TMEM132B: variants seen among roughly 807,000 people sequenced by gnomAD.
TMEM132B encodes the protein transmembrane protein 132B.
TMEM132B carries 18 observed loss-of-function variants against 90.8 expected under a neutral mutation model. The observed-to-expected ratio is 0.20, with a 90% confidence interval of 0.14 to 0.29. The LOEUF is 0.29. TMEM132B is among the 10% of genes least tolerant of loss of function. The probability of loss-of-function intolerance (pLI) is 1.00; values close to 1 mark genes in which losing one functional copy is unlikely to be tolerated. For synonymous variants in TMEM132B, 504 were observed against 523.3 expected (o/e 0.96, Z 0.50); for missense variants, 1,096 against 1,326.8 (o/e 0.83, Z 2.70).
At chr12:125,312,199 G>A (rs1370256414) in intron 1 of TMEM132B, among the ~76,000 whole-genome samples, 2 of 152,228 alleles carry the variant, frequency 1.3e-5, no homozygotes, top group African/African-American at 4.8e-5. Context: ...TAGTATCACT[G>A]TGAGCCCATG....
At chr12:125,197,464 C>G (rs1385136944) in intron 1 of TMEM132B, among the ~76,000 whole-genome samples, 3 of 152,202 alleles carry the variant, frequency 2.0e-5, no homozygotes, top group African/African-American at 7.2e-5. Context: ...ACCCTTTAAT[C>G]CAGGCATCAG....
chr12:125,519,146 A>AGAGC (rs1409332384), intron 3 of TMEM132B, among the ~76,000 whole-genome samples: 5 of 152,024 alleles, frequency 3.3e-5, no homozygotes, highest in Non-Finnish European at 1.5e-5. Flanking sequence ...TGGGGAGGGG[A>AGAGC]GAGCTGTGCG....
Position 125,265,550 on chromosome 12 carries a change from A to G in TMEM132B, c.67+78684A>G, listed in dbSNP as rs182362919. 7.2e-4 allele frequency among the ~76,000 whole-genome samples: 109 copies of G among 152,300 alleles called. 1 individual carries two copies. Among genetic ancestry groups the G allele is most frequent in the African/African-American group, 2.6e-3 (109 of 41,560 alleles). ...GTGAGAGCAAGGAAAAAGGGAGACT[A>G]CTGTATATACAGAAAAGGGCACAAA... On this transcript the variant is annotated intron_variant, in intron 1 of 8. Transcript: ENST00000682704.
At chr12:125,392,645 G>A (rs1192710110) in intron 2 of TMEM132B, among the ~76,000 whole-genome samples, 1 of 152,160 alleles carries the variant, frequency 6.6e-6, no homozygotes, top group Non-Finnish European at 1.5e-5. Context: ...CAACAGCCAA[G>A]ATCATACCAA....
At position 125,391,826 on chromosome 12, in the gene TMEM132B, A is replaced by C. The variant is rs552101228; in HGVS notation, c.960-23705A>C. Among the ~76,000 whole-genome samples the C allele has an allele frequency of 3.3e-4, 50 of 152,194 alleles. No homozygotes were observed. In the East Asian group the frequency reaches 8.1e-3, roughly 25 times the overall value. ...GTTGCCCAGGCTGGAGTGCACAGTG[A>C]CATGATCTCAACTCACTGCAGCCTC... On this transcript the variant is annotated intron_variant, in intron 2 of 8. Coordinates refer to ENST00000682704, the MANE Select transcript of TMEM132B (RefSeq NM_001366854.1).
At chr12:125,308,885 C>T (rs1876058768) in intron 1 of TMEM132B, among the ~76,000 whole-genome samples, 1 of 152,038 alleles carries the variant, frequency 6.6e-6, no homozygotes, top group African/African-American at 2.4e-5. Context: ...TATATTTTTC[C>T]TTATATATGG....
At chr12:125,461,198 G>A (rs1427991538) in intron 3 of TMEM132B, among the ~76,000 whole-genome samples, 1 of 152,224 alleles carries the variant, frequency 6.6e-6, no homozygotes, top group Admixed American at 6.5e-5. Context: ...TTTAGGCGGG[G>A]CTATGAGTCC....
chr12:125,202,992 G>A (rs568208687), intron 1 of TMEM132B, among the ~76,000 whole-genome samples: 2 of 152,314 alleles, frequency 1.3e-5, no homozygotes, highest in Admixed American at 6.5e-5. Flanking sequence ...GTCCCATGAA[G>A]GCTTCTCAGA....
At chr12:125,546,331 C>T (rs1006542177) in intron 4 of TMEM132B, among the ~76,000 whole-genome samples, 6 of 152,068 alleles carry the variant, frequency 3.9e-5, no homozygotes, top group East Asian at 1.9e-4. Context: ...TACAGGCACC[C>T]GCCACCACGC....
At chr12:125,591,145 CTT>C (rs1005356087) in intron 5 of TMEM132B, among the ~76,000 whole-genome samples, 1 of 152,040 alleles carries the variant, frequency 6.6e-6, no homozygotes, top group Non-Finnish European at 1.5e-5. Flanking sequence ...TGATAGTGGA[CTT>C]TTTTTGAATT....
At chr12:125,568,775 T>C (rs1306553932) in intron 4 of TMEM132B, among the ~76,000 whole-genome samples, 1 of 152,240 alleles carries the variant, frequency 6.6e-6, no homozygotes, top group Non-Finnish European at 1.5e-5. Flanking sequence ...CTGGTCATGA[T>C]TTGAGTGACC....
chr12:125,394,731 A>G (rs933520184), intron 2 of TMEM132B, among the ~76,000 whole-genome samples: 2 of 152,224 alleles, frequency 1.3e-5, no homozygotes, highest in Admixed American at 6.5e-5. Flanking sequence ...TGCTGTAAAA[A>G]TAAGTCTGGG....
intron 3 of TMEM132B, among the ~76,000 whole-genome samples, chr12:125,494,590 C>T (rs2136573144): frequency 7.2e-6 from 1 of 137,932 alleles, no homozygotes; most frequent in Non-Finnish European, 1.6e-5. Context: ...CCCTCCTCCC[C>T]CTCCTCCCTG....
At chr12:125,527,505 CATTTACCT>C (rs1444639271) in intron 4 of TMEM132B, among the ~76,000 whole-genome samples, 4 of 142,076 alleles carry the variant, frequency 2.8e-5, no homozygotes, top group African/African-American at 1.1e-4. Flanking sequence ...CCCATCCACC[CATTTACCT>C]TTCCATGCAC....
At chr12:125,581,572 C>G (rs1189247435) in intron 4 of TMEM132B, among the ~76,000 whole-genome samples, 1 of 152,030 alleles carries the variant, frequency 6.6e-6, no homozygotes, top group African/African-American at 2.4e-5. Context: ...ATCAGCGCCA[C>G]CCAGTCCACA....
chr12:125,223,202 G>C (rs1873600195), intron 1 of TMEM132B, among the ~76,000 whole-genome samples: 1 of 152,234 alleles, frequency 6.6e-6, no homozygotes, highest in African/African-American at 2.4e-5. Flanking sequence ...TATCAAAAGA[G>C]TAAGAGATGA....
At chr12:125,196,828 T>C (rs1872935705) in intron 1 of TMEM132B, among the ~76,000 whole-genome samples, 1 of 152,180 alleles carries the variant, frequency 6.6e-6, no homozygotes, top group South Asian at 2.1e-4. Flanking sequence ...TGAATATTGT[T>C]AGTATAATGC....
At chr12:125,228,850 C>A (rs774986261) in intron 1 of TMEM132B, among the ~76,000 whole-genome samples, 1 of 152,168 alleles carries the variant, frequency 6.6e-6, no homozygotes, top group Non-Finnish European at 1.5e-5. Flanking sequence ...GAAGTGGCCA[C>A]GTGACCAGGT....
chr12:125,390,239 T>C (rs928423368), intron 2 of TMEM132B, among the ~76,000 whole-genome samples: 1 of 152,262 alleles, frequency 6.6e-6, no homozygotes, highest in Non-Finnish European at 1.5e-5. Context: ...ACAACCCAAG[T>C]GTCCATCAAC....
Sources: allele counts gnomAD v4.1 joint callset (sites outside exome capture counted in the v4.1 genomes callset), GRCh38; gene constraint gnomAD v4.1.1; transcripts MANE v1.5; gene names NCBI Gene and HGNC (gene_info 2026-07-23, HGNC 2026-07-21).